The following KIF21A variants were observed in gnomAD, a reference collection of about 807,000 sequenced individuals.
KIF21A encodes the protein kinesin family member 21A, also known as kinesin-like protein KIF21A.
In KIF21A, 114 loss-of-function variants were observed where a neutral mutation model predicts 202.9. That is an observed-to-expected ratio of 0.56 (90% confidence interval 0.48 to 0.66). KIF21A has a LOEUF of 0.66. Ranked by LOEUF, KIF21A falls within the 30% of genes least tolerant of loss-of-function variation. KIF21A has a pLI of 0.00. For synonymous variants in KIF21A, 667 were observed against 670.8 expected, an observed-to-expected ratio of 0.99 and a Z score of 0.09; for missense variants, 1,677 against 1,994.9, an observed-to-expected ratio of 0.84 and a Z score of 3.04.
chr12:39,329,008 G>A (rs1224963960), intron 24 of KIF21A, among the ~76,000 whole-genome samples: 1 of 152,128 alleles, frequency 6.6e-6, no homozygotes, highest in Non-Finnish European at 1.5e-5. Context: ...AGTCCATAAG[G>A]ACAAAATCAG....
chr12:39,378,935 A>C (rs1950433944), intron 1 of KIF21A, among the ~76,000 whole-genome samples: 1 of 152,128 alleles, frequency 6.6e-6, no homozygotes, highest in Non-Finnish European at 1.5e-5. Context: ...GAGACTGAGA[A>C]GGGAGAAAAA....
intron 37 of KIF21A, 99 bp downstream of exon 37, chr12:39,301,381 A>G: frequency 1.0e-6 from 1 of 962,082 alleles, no homozygotes; most frequent in Non-Finnish European, 1.7e-6. Flanking sequence ...GATTATAAGA[A>G]GGATTTTGTA....
At chr12:39,366,726 G>A (rs569549197) in intron 5 of KIF21A, among the ~76,000 whole-genome samples, 1 of 152,250 alleles carries the variant, frequency 6.6e-6, no homozygotes, top group South Asian at 2.1e-4. Context: ...ATCAACTGAG[G>A]CTTTGCTTAT....
chr12:39,356,652 G>A (rs1948796401), intron 10 of KIF21A, 180 bp downstream of exon 10: 1 of 473,120 alleles, frequency 2.1e-6, no homozygotes. Context: ...GAGGAAAACA[G>A]CTTGGAATAT....
chr12:39,389,177 CAT>C (rs1419725155), intron 1 of KIF21A, among the ~76,000 whole-genome samples: 2 of 140,416 alleles, frequency 1.4e-5, no homozygotes, highest in Admixed American at 1.4e-4. Context: ...AGTAAATACA[CAT>C]ACACACACAC....
At chr12:39,387,061 G>A (rs1403019992) in intron 1 of KIF21A, among the ~76,000 whole-genome samples, 109 of 139,536 alleles carry the variant, frequency 7.8e-4, no homozygotes, top group Middle Eastern at 3.8e-3. Context: ...TTTAGCTGGG[G>A]AAAAAAAAAA....
chr12:39,408,595 A>T (rs538041599), intron 1 of KIF21A, among the ~76,000 whole-genome samples: 15 of 152,352 alleles, frequency 9.8e-5, no homozygotes, highest in African/African-American at 2.6e-4. Context: ...TGAAATCAGG[A>T]ACTCATTGAA....
intron 29 of KIF21A, among the ~76,000 whole-genome samples, chr12:39,317,608 T>G (rs1944698152): frequency 6.6e-6 from 1 of 152,176 alleles, no homozygotes. Context: ...GTGGTGAACT[T>G]GTCTAGAACA....
At chr12:39,342,738 A>G (rs534991191) in intron 12 of KIF21A, among the ~76,000 whole-genome samples, 1 of 152,272 alleles carries the variant, frequency 6.6e-6, no homozygotes, top group Admixed American at 6.5e-5. Flanking sequence ...GTCTTTGCAT[A>G]CCAAAAACTG....
intron 36 of KIF21A, 56 bp downstream of exon 36, chr12:39,302,909 G>A: frequency 7.1e-7 from 1 of 1,414,034 alleles, no homozygotes; most frequent in Non-Finnish European, 1.0e-6. Context: ...TTCTTCTACA[G>A]GCTACAGGAT....
intron 1 of KIF21A, among the ~76,000 whole-genome samples, chr12:39,392,452 C>A (rs557210561): frequency 6.6e-6 from 1 of 152,158 alleles, no homozygotes; most frequent in Non-Finnish European, 1.5e-5. Context: ...GGAGATTACT[C>A]TGTTTGCTCA....
intron 1 of KIF21A, among the ~76,000 whole-genome samples, chr12:39,426,119 G>T (rs1240418160): frequency 2.0e-5 from 3 of 152,034 alleles, no homozygotes; most frequent in African/African-American, 7.2e-5. Context: ...TGAGATTGAT[G>T]AAATGGAAAC....
intron 36 of KIF21A, among the ~76,000 whole-genome samples, 187 bp downstream of exon 36, chr12:39,302,778 C>T (rs1360934958): frequency 6.6e-6 from 1 of 152,134 alleles, no homozygotes; most frequent in Non-Finnish European, 1.5e-5. Flanking sequence ...GGGTATTATT[C>T]AATGTTGACT....
At chr12:39,411,328 G>C (rs1484440589) in intron 1 of KIF21A, among the ~76,000 whole-genome samples, 1 of 152,124 alleles carries the variant, frequency 6.6e-6, no homozygotes, top group African/African-American at 2.4e-5. Context: ...TGTTAGAAAT[G>C]GTGGTCTGAG....
chr12:39,385,810 T>C (rs750420740), intron 1 of KIF21A, among the ~76,000 whole-genome samples: 3 of 152,136 alleles, frequency 2.0e-5, no homozygotes, highest in Non-Finnish European at 4.4e-5. Flanking sequence ...TTTAAACACA[T>C]TGTATCAAAT....
intron 1 of KIF21A, among the ~76,000 whole-genome samples, chr12:39,371,435 T>C (rs974442544): frequency 2.0e-5 from 3 of 152,108 alleles, no homozygotes; most frequent in African/African-American, 7.2e-5. Flanking sequence ...AATTTCAAAA[T>C]CTGTTTTCAA....
In KIF21A at chr12:39,309,644, T is replaced by C. The variant is rs778610172; in HGVS notation, c.4219A>G (p.Thr1407Ala). 5 of 1,613,346 alleles carry C rather than the reference T, an allele frequency of 3.1e-6. No homozygotes were observed. Among genetic ancestry groups the C allele is most frequent in the Non-Finnish European group, 3.4e-6 (4 of 1,179,640 alleles). Reference protein sequence around the residue: ...NYTSLVFTVSTSYIKVWDIRD... With the variant: ...NYTSLVFTVSASYIKVWDIRD... ...ATATCCCACACCTTAATATAAGATG[T>C]TGATACAGTGAAGACCAAACTGGTA... Residue 1407 changes from threonine (T) to alanine (A), a missense_variant, in exon 33 of 38, where the codon ACA becomes GCA. By Grantham distance (58) the Thr-to-Ala change is moderately conservative (BLOSUM62 0). Transcript: ENST00000361418.
At chr12:39,309,814 TTTAGG>T (rs1334281167) in intron 32 of KIF21A, 48 bp from the exon 33 acceptor site, 2 of 1,446,622 alleles carry the variant, frequency 1.4e-6, no homozygotes, top group South Asian at 2.4e-5. Context: ...TATGAACTAC[TTTAGG>T]TTCTCTTAAC....
intron 1 of KIF21A, among the ~76,000 whole-genome samples, chr12:39,424,898 A>C (rs1006832958): frequency 6.6e-6 from 1 of 152,080 alleles, no homozygotes; most frequent in African/African-American, 2.4e-5. Context: ...AGCTCTCTAA[A>C]GATTTCTCAC....
Sources: allele counts gnomAD v4.1 joint callset (sites outside exome capture counted in the v4.1 genomes callset), GRCh38; gene constraint gnomAD v4.1.1; transcripts MANE v1.5; gene names NCBI Gene and HGNC (gene_info 2026-07-23, HGNC 2026-07-21).